Variants in CC2D2B observed in about 807,000 individuals in gnomAD.
CC2D2B encodes the protein coiled-coil and C2 domain containing 2B.
A neutral mutation model predicts 161.2 loss-of-function variants in CC2D2B; 128 were observed. The ratio of observed to expected loss-of-function variants is 0.79; its 90% CI spans 0.69 to 0.92. The LOEUF (loss-of-function observed/expected upper bound fraction) is 0.92, where lower values mean the gene tolerates loss of function less well. Ranked by LOEUF, CC2D2B falls within the 40% of genes least tolerant of loss-of-function variation. The pLI is 0.00. For missense variants in CC2D2B, 1,173 were observed against 1,375.1 expected (o/e 0.85, Z 2.32); for synonymous variants, 391 against 449.8 (o/e 0.87, Z 1.65).
chr10:95,986,164 G>C (rs2077711162), intron 19 of CC2D2B, among the ~76,000 whole-genome samples: 1 of 150,878 alleles, frequency 6.6e-6, no homozygotes, highest in Non-Finnish European at 1.5e-5. Context: ...CTACCTTTTT[G>C]AAAATCACTA....
chr10:96,016,393 C>A, intron 30 of CC2D2B, 79 bp downstream of exon 30: 1 of 936,406 alleles, frequency 1.1e-6, no homozygotes, highest in Non-Finnish European at 1.7e-6. Context: ...AGACTTCAAA[C>A]CCAGGTTTCC....
In CC2D2B at chr10:96,016,974, T is replaced by C. The variant is rs545422375; in HGVS notation, c.3630+660T>C. Among the ~76,000 whole-genome samples, 3 of 152,296 alleles carry C rather than the reference T, an allele frequency of 2.0e-5. No individual in the cohort carries two copies. In the South Asian group the frequency reaches 6.2e-4, roughly 32 times the overall value. On this transcript the variant is annotated intron_variant, in intron 30 of 34. Coordinates refer to ENST00000646931, the MANE Select transcript of CC2D2B (RefSeq NM_001349008.3). Reference sequence around the variant, plus strand: ...CTCAGGTGATCCACCCGCCTTGGTCTCCCAAAGTGCTGGGATTACAGGCAT... The same window carrying C: ...CTCAGGTGATCCACCCGCCTTGGTCCCCCAAAGTGCTGGGATTACAGGCAT...
At chr10:95,935,400 C>T (rs2075783997) in intron 6 of CC2D2B, among the ~76,000 whole-genome samples, 1 of 152,160 alleles carries the variant, frequency 6.6e-6, no homozygotes, top group African/African-American at 2.4e-5. Flanking sequence ...CTGCCACTGT[C>T]TCCCTCTGTA....
chr10:96,002,140 A>G (rs981433224), intron 24 of CC2D2B, among the ~76,000 whole-genome samples: 1 of 152,190 alleles, frequency 6.6e-6, no homozygotes, highest in Non-Finnish European at 1.5e-5. Flanking sequence ...ACATAAACTT[A>G]TAAGTGAACT....
chr10:95,980,393 C>G (rs2077470053), intron 17 of CC2D2B, among the ~76,000 whole-genome samples: 1 of 152,050 alleles, frequency 6.6e-6, no homozygotes, highest in South Asian at 2.1e-4. Context: ...TGTTGAAATT[C>G]AATTACAACT....
chr10:96,025,178 TATATATAA>T (rs1564684089), intron 33 of CC2D2B, among the ~76,000 whole-genome samples: 1 of 10,660 alleles, frequency 9.4e-5, no homozygotes, highest in African/African-American at 2.8e-4. Context: ...TATATATATA[TATATATAA>T]AAAAAAATAT....
intron 12 of CC2D2B, among the ~76,000 whole-genome samples, chr10:95,962,966 T>C (rs1453937297): frequency 6.6e-6 from 1 of 152,082 alleles, no homozygotes; most frequent in East Asian, 1.9e-4. Flanking sequence ...CCCAGAACAA[T>C]GGCTCTGGAC....
chr10:95,928,122 T>C (rs2141205615), intron 6 of CC2D2B, among the ~76,000 whole-genome samples: 1 of 152,134 alleles, frequency 6.6e-6, no homozygotes, highest in East Asian at 1.9e-4. Context: ...TCCCTCTGGG[T>C]CCCCCATTTG....
rs567957492 is a variant in CC2D2B at position 96,033,431 on chromosome 10, T to G, written c.*1423T>G. 6.6e-6 allele frequency among the ~76,000 whole-genome samples: 1 copy of G among 152,344 alleles called. No homozygotes were observed. Among genetic ancestry groups the G allele is most frequent in the South Asian group, 2.1e-4 (1 of 4,826 alleles). Reference sequence around the variant, plus strand: ...AGAAAACTGATCAGAATTTTTACTTTTATTTGAATGTTTTTGTTTAAATTT... The same window carrying G: ...AGAAAACTGATCAGAATTTTTACTTGTATTTGAATGTTTTTGTTTAAATTT... On this transcript the variant is annotated 3_prime_UTR_variant, in exon 35 of 35. Coordinates refer to ENST00000646931, the MANE Select transcript of CC2D2B (RefSeq NM_001349008.3).
chr10:95,941,737 T>G (rs2076029625), intron 9 of CC2D2B, among the ~76,000 whole-genome samples: 1 of 152,160 alleles, frequency 6.6e-6, no homozygotes, highest in South Asian at 2.1e-4. Context: ...CCTTGTACAC[T>G]GTTGGTGGGA....
intron 6 of CC2D2B, among the ~76,000 whole-genome samples, chr10:95,936,341 T>A (rs1390726666): frequency 6.6e-6 from 1 of 152,156 alleles, no homozygotes; most frequent in Non-Finnish European, 1.5e-5. Context: ...GAGGCTGAGT[T>A]TGAGTGTGGC....
chr10:95,962,560 A>G (rs1210276494), intron 12 of CC2D2B, among the ~76,000 whole-genome samples: 2 of 152,150 alleles, frequency 1.3e-5, no homozygotes, highest in Non-Finnish European at 2.9e-5. Context: ...TTATTTGATA[A>G]AATCATAAAA....
chr10:95,991,556 T>A (rs1277744703), intron 21 of CC2D2B, 95 bp downstream of exon 21: 3 of 372,024 alleles, frequency 8.1e-6, no homozygotes, highest in Non-Finnish European at 1.4e-5. Flanking sequence ...AATTAAGCCA[T>A]ATGTCAAAAG....
chr10:95,919,098 G>A (rs1247569203), intron 2 of CC2D2B: 1 of 152,044 alleles, frequency 6.6e-6, no homozygotes, highest in Non-Finnish European at 1.5e-5. Context: ...ACATATTTCT[G>A]TTACTCCAGA....
chr10:96,009,781 C>T (rs768337230), intron 25 of CC2D2B, 44 bp from the exon 26 acceptor site: 2 of 822,862 alleles, frequency 2.4e-6, no homozygotes, highest in Non-Finnish European at 3.7e-6. Flanking sequence ...AACTATTCAT[C>T]ACATGATATT....
chr10:95,977,672 T>C (rs2077368158), intron 17 of CC2D2B, among the ~76,000 whole-genome samples: 1 of 152,270 alleles, frequency 6.6e-6, no homozygotes, highest in African/African-American at 2.4e-5. Flanking sequence ...TAAAAGTGTC[T>C]TTATTTTGCC....
chr10:95,965,235 G>T (rs1330888287), intron 12 of CC2D2B, among the ~76,000 whole-genome samples: 1 of 152,058 alleles, frequency 6.6e-6, no homozygotes, highest in African/African-American at 2.4e-5. Context: ...AGATAACTGA[G>T]ATTTTATTGA....
chr10:95,956,640 C>G (rs1457432461), intron 11 of CC2D2B, among the ~76,000 whole-genome samples: 1 of 152,134 alleles, frequency 6.6e-6, no homozygotes, highest in African/African-American at 2.4e-5. Flanking sequence ...GAGAACCTGT[C>G]TGATGTAACT....
At chr10:95,935,329 A>G (rs2075780017) in intron 6 of CC2D2B, among the ~76,000 whole-genome samples, 1 of 152,138 alleles carries the variant, frequency 6.6e-6, no homozygotes, top group Admixed American at 6.5e-5. Context: ...AAGTATTCCC[A>G]TATCAGACCC....
Sources: allele counts gnomAD v4.1 joint callset (sites outside exome capture counted in the v4.1 genomes callset), GRCh38; gene constraint gnomAD v4.1.1; transcripts MANE v1.5; gene names NCBI Gene and HGNC (gene_info 2026-07-23, HGNC 2026-07-21).